Variants in PCDHGA3 observed in about 807,000 individuals in gnomAD.
PCDHGA3 encodes protocadherin gamma-A3.
PCDHGA3 carries 40 observed loss-of-function variants against 58.5 expected under a neutral mutation model. The ratio of observed to expected loss-of-function variants is 0.68; its 90% CI spans 0.53 to 0.89. The LOEUF is 0.89. PCDHGA3 is among the 40% of genes least tolerant of loss of function. The probability of loss-of-function intolerance (pLI) is 0.00; values close to 1 mark genes in which losing one functional copy is unlikely to be tolerated. For synonymous variants in PCDHGA3, 530 were observed against 525.7 expected (o/e 1.01, Z -0.11); for missense variants, 1,223 against 1,195.9 (o/e 1.02, Z -0.33).
At chr5:141,421,582 G>A (rs531591776) in intron 1 of PCDHGA3, 4 of 1,613,874 alleles carry the variant, frequency 2.5e-6, no homozygotes, top group Non-Finnish European at 2.5e-6. Flanking sequence ...GAAGATTTAC[G>A]GAGTGGAGGT....
intron 1 of PCDHGA3, chr5:141,356,243 C>G: frequency 6.3e-7 from 1 of 1,581,974 alleles, no homozygotes; most frequent in Non-Finnish European, 8.6e-7. Context: ...CCAGAAGTCA[C>G]AGTTACATCT....
chr5:141,466,581 T>C (rs1426600962), intron 1 of PCDHGA3, among the ~76,000 whole-genome samples: 2 of 152,198 alleles, frequency 1.3e-5, no homozygotes, highest in Non-Finnish European at 2.9e-5. Flanking sequence ...GTCTCATCCC[T>C]TCTTAAAACA....
intron 1 of PCDHGA3, among the ~76,000 whole-genome samples, chr5:141,451,719 TA>T (rs2098722539): frequency 6.6e-6 from 1 of 152,016 alleles, no homozygotes; most frequent in Non-Finnish European, 1.5e-5. Flanking sequence ...CTGCCTCTAC[TA>T]AAAATACAAA....
At chr5:141,464,035 C>T (rs564886798) in intron 1 of PCDHGA3, among the ~76,000 whole-genome samples, 1 of 152,066 alleles carries the variant, frequency 6.6e-6, no homozygotes, top group African/African-American at 2.4e-5. Context: ...GAGGCCAAGG[C>T]GGGTGGATCA....
At chr5:141,392,825 A>T in intron 1 of PCDHGA3, 1 of 1,601,466 alleles carries the variant, frequency 6.2e-7, no homozygotes. Context: ...TGGCCGCTCC[A>T]CAGAGTCGCC....
chr5:141,370,997 C>A (rs1449241372), intron 1 of PCDHGA3: 1 of 1,613,866 alleles, frequency 6.2e-7, no homozygotes, highest in Non-Finnish European at 8.5e-7. Flanking sequence ...CACCCCTGGA[C>A]AGGGAAGAGC....
At chr5:141,353,287 T>C (rs747205699) in intron 1 of PCDHGA3, among the ~76,000 whole-genome samples, 3 of 152,228 alleles carry the variant, frequency 2.0e-5, no homozygotes, top group Non-Finnish European at 4.4e-5. Flanking sequence ...GTCATTTTAT[T>C]CTTAGCTCTT....
Position 141,431,826 on chromosome 5 carries a change from TTCCCGAAAACTC to T in PCDHGA3, c.2425-62976_2425-62965del, listed in dbSNP as rs755346532. ...GTCCTCACCTCTCTCGCCAGCTCGGTTCCCGAAAACTCTCCCAGAGGGACATTAATTGCCCTT... is the reference window on the plus strand; with the variant it reads ...GTCCTCACCTCTCTCGCCAGCTCGGTTCCCAGAGGGACATTAATTGCCCTT... On this transcript the variant is annotated intron_variant, in intron 1 of 3. Transcript: ENST00000253812. The surrounding 1 kb of genome is among the most constrained non-coding windows in gnomAD (Gnocchi z 4.8). The T allele has an allele frequency of 4.3e-6, 7 of 1,614,102 alleles. No individual in the cohort carries two copies. Among genetic ancestry groups the T allele is most frequent in the Admixed American group, 1.7e-5 (1 of 60,006 alleles).
intron 1 of PCDHGA3, chr5:141,366,487 G>C (rs962948172): frequency 6.2e-7 from 1 of 1,614,236 alleles, no homozygotes; most frequent in East Asian, 2.2e-5. Flanking sequence ...TGAGGCGCTG[G>C]CACAAGTCAC....
At chr5:141,417,770 T>G in intron 1 of PCDHGA3, 1 of 1,456,418 alleles carries the variant, frequency 6.9e-7, no homozygotes, top group Non-Finnish European at 9.1e-7. Context: ...CCGGGACTCC[T>G]CCTGTCCTGG....
At chr5:141,346,480 T>C in intron 1 of PCDHGA3, 23 bp downstream of exon 1, 1 of 1,613,508 alleles carries the variant, frequency 6.2e-7, no homozygotes, top group Admixed American at 1.7e-5. Flanking sequence ...ATTTCTTTGA[T>C]TATTAAGAAC....
At chr5:141,456,492 G>C (rs542424798) in intron 1 of PCDHGA3, among the ~76,000 whole-genome samples, 1 of 152,284 alleles carries the variant, frequency 6.6e-6, no homozygotes, top group African/African-American at 2.4e-5. Flanking sequence ...GCTTAATAAA[G>C]GGGTTAACCA....
At chr5:141,410,147 G>T in intron 1 of PCDHGA3, 1 of 1,612,952 alleles carries the variant, frequency 6.2e-7, no homozygotes, top group Non-Finnish European at 8.5e-7. Flanking sequence ...TGTGCGTGAC[G>T]GTGGACAGCC....
chr5:141,421,640 A>T (rs367946949), intron 1 of PCDHGA3: 1 of 1,613,716 alleles, frequency 6.2e-7, no homozygotes, highest in Non-Finnish European at 8.5e-7. Context: ...CAGGAGGACG[A>T]AGTGGAGATA....
intron 1 of PCDHGA3, chr5:141,417,570 T>A: frequency 2.7e-6 from 1 of 373,028 alleles, no homozygotes; most frequent in Non-Finnish European, 4.7e-6. Context: ...AAAAGTCAAG[T>A]TGCAGTCCCA....
intron 1 of PCDHGA3, chr5:141,374,195 G>T (rs1770254935): frequency 1.2e-6 from 2 of 1,613,752 alleles, no homozygotes; most frequent in East Asian, 2.2e-5. Context: ...TATTCCCGAG[G>T]AGCTGGAGAA....
intron 1 of PCDHGA3, among the ~76,000 whole-genome samples, chr5:141,435,134 A>G (rs1190517186): frequency 6.6e-6 from 1 of 152,190 alleles, no homozygotes; most frequent in Non-Finnish European, 1.5e-5. Context: ...GAAAATATAA[A>G]TAAAATTGTG....
At chr5:141,414,244 T>A in intron 1 of PCDHGA3, 1 of 1,613,526 alleles carries the variant, frequency 6.2e-7, no homozygotes, top group Admixed American at 1.7e-5. Context: ...CACGTCTCTA[T>A]TTAGTCCAGT....
chr5:141,363,442 C>G (rs1298018028), intron 1 of PCDHGA3, among the ~76,000 whole-genome samples: 1 of 152,178 alleles, frequency 6.6e-6, no homozygotes, highest in African/African-American at 2.4e-5. Flanking sequence ...AAAGGTCACT[C>G]AGTACTTCTC....
Sources: gnomAD v4.1 joint callset for allele counts (sites outside exome capture counted in the v4.1 genomes callset) on GRCh38, gnomAD v4.1.1 for gene constraint, Gnocchi (gnomAD v3.1) non-coding constraint, MANE v1.5 for transcripts, NCBI Gene and HGNC (gene_info 2026-07-23, HGNC 2026-07-21) for gene names.